PRUNE1: variants seen among roughly 807,000 people sequenced by gnomAD.
The protein encoded by PRUNE1 is prune exopolyphosphatase 1, also known as exopolyphosphatase PRUNE1.
In PRUNE1, 25 loss-of-function variants were observed where a neutral mutation model predicts 42.5. The ratio of observed to expected loss-of-function variants is 0.59; its 90% CI spans 0.43 to 0.82. The LOEUF (loss-of-function observed/expected upper bound fraction) is 0.82, where lower values mean the gene tolerates loss of function less well. Among genes scored for constraint, PRUNE1 ranks in the 40% least tolerant of loss-of-function variants. The pLI is 0.00. For synonymous variants in PRUNE1, 203 were observed against 217.1 expected, an observed-to-expected ratio of 0.93 and a Z score of 0.57; for missense variants, 443 against 539.3, an observed-to-expected ratio of 0.82 and a Z score of 1.77.
chr1:151,030,733 G>A (rs1675192416), intron 7 of PRUNE1, among the ~76,000 whole-genome samples: 1 of 152,142 alleles, frequency 6.6e-6, no homozygotes, highest in Non-Finnish European at 1.5e-5. Flanking sequence ...TGATCCACCT[G>A]CCTTGGCCTT....
At chr1:151,011,644 T>G (rs1233925080) in intron 1 of PRUNE1, among the ~76,000 whole-genome samples, 2 of 152,134 alleles carry the variant, frequency 1.3e-5, no homozygotes, top group Non-Finnish European at 2.9e-5. Context: ...ATATTCAGCT[T>G]TAGAAGGGAA....
chr1:151,011,100 G>T (rs1188311982), intron 1 of PRUNE1, among the ~76,000 whole-genome samples: 1 of 152,134 alleles, frequency 6.6e-6, no homozygotes, highest in Non-Finnish European at 1.5e-5. Context: ...TAAGTTTCTT[G>T]TGTAAAGAGA....
At chr1:151,028,153 C>T (rs963355865) in intron 6 of PRUNE1, among the ~76,000 whole-genome samples, 2 of 152,152 alleles carry the variant, frequency 1.3e-5, no homozygotes, top group Admixed American at 6.5e-5. Context: ...TCAGATGTCT[C>T]TTGTTTTGGG....
chr1:151,028,704 T>C, intron 6 of PRUNE1, 82 bp from the exon 7 acceptor site: 1 of 1,463,760 alleles, frequency 6.8e-7, no homozygotes, highest in Non-Finnish European at 9.4e-7. Context: ...ATTATAGGCG[T>C]AAGCGACCGT....
At chr1:151,020,230 C>G (rs983575725) in intron 3 of PRUNE1, among the ~76,000 whole-genome samples, 1 of 144,356 alleles carries the variant, frequency 6.9e-6, no homozygotes, top group East Asian at 2.1e-4. Flanking sequence ...AGACCCTGTT[C>G]TCTAAAAAAA....
intron 4 of PRUNE1, 34 bp from the exon 5 acceptor site, chr1:151,025,481 A>C: frequency 6.2e-7 from 1 of 1,602,776 alleles, no homozygotes; most frequent in Middle Eastern, 1.7e-4. Flanking sequence ...GAAGGGTCAC[A>C]GGATTCAAGT....
intron 7 of PRUNE1, among the ~76,000 whole-genome samples, chr1:151,029,726 A>G (rs1010026709): frequency 5.5e-5 from 8 of 146,218 alleles, no homozygotes; most frequent in Admixed American, 2.1e-4. Context: ...TCTGTTGGGG[A>G]AAAAAAAAAA....
chr1:151,026,785 G>A (rs1354557564), intron 5 of PRUNE1, among the ~76,000 whole-genome samples: 1 of 151,344 alleles, frequency 6.6e-6, no homozygotes, highest in East Asian at 1.9e-4. Flanking sequence ...TGCTCTAAAG[G>A]TACCTATTGT....
At chr1:151,011,402 A>G (rs1571765021) in intron 1 of PRUNE1, among the ~76,000 whole-genome samples, 1 of 152,130 alleles carries the variant, frequency 6.6e-6, no homozygotes, top group Non-Finnish European at 1.5e-5. Flanking sequence ...TCTTTGCTTC[A>G]GGGTGGGGCT....
Position 151,034,315 on chromosome 1 carries a change from A to G in PRUNE1, c.*81A>G, listed in dbSNP as rs1675432299. ...GTTTTGAGATGTTTGGAGATTCAGC[A>G]ATTCTGTCTTCATTGCTCCAGGATC... On this transcript the variant is annotated 3_prime_UTR_variant, in exon 8 of 8. Transcript: ENST00000271620. The G allele has an allele frequency of 7.1e-7, 1 of 1,414,028 alleles. No individual in the cohort carries two copies. The highest frequency in any genetic ancestry group is 9.7e-7 in the Non-Finnish European group (1 of 1,032,186). 87.6% of individuals were successfully genotyped at this position (1,414,028 alleles called of 1,614,324 possible).
chr1:151,029,097 T>C, intron 7 of PRUNE1, 153 bp downstream of exon 7: 2 of 674,774 alleles, frequency 3.0e-6, no homozygotes, highest in Non-Finnish European at 4.6e-6. Flanking sequence ...ACCTGTTTCC[T>C]CCCCTTTCTG....
At chr1:151,024,973 A>G (rs1468236492) in intron 4 of PRUNE1, among the ~76,000 whole-genome samples, 178 bp downstream of exon 4, 1 of 152,150 alleles carries the variant, frequency 6.6e-6, no homozygotes, top group Non-Finnish European at 1.5e-5. Context: ...CCTGTGGGAT[A>G]CTTGTTGGAG....
chr1:151,018,021 C>T, intron 2 of PRUNE1, 117 bp downstream of exon 2: 1 of 710,680 alleles, frequency 1.4e-6, no homozygotes, highest in Non-Finnish European at 2.4e-6. Flanking sequence ...AATCCCTTAA[C>T]TTTGCTGAGT....
rs1193513262 is a variant in PRUNE1, at chr1:151,018,580, C to CT, written c.248dup (p.Leu83PhefsTer6). The CT allele has an allele frequency of 1.2e-6, 2 of 1,614,124 alleles. No homozygotes were observed. Among genetic ancestry groups the CT allele is most frequent in the Non-Finnish European group, 1.7e-6 (2 of 1,179,990 alleles). On this transcript the variant is annotated frameshift_variant, in exon 3 of 8. Transcript: ENST00000271620. LOFTEE classifies it high-confidence loss of function. The stretch of plus-strand genomic sequence containing the variant: ...AGAAGGTTCATATTCCAGAGAGTAT[C>CT]TTGATTTTTCGGGATGAGATTGACC...
chr1:151,018,914 G>T (rs1183420768), intron 3 of PRUNE1, among the ~76,000 whole-genome samples: 1 of 152,102 alleles, frequency 6.6e-6, no homozygotes, highest in Non-Finnish European at 1.5e-5. Flanking sequence ...GTGGTGGCAA[G>T]TGCCTGTAAT....
Position 151,012,288 on chromosome 1 carries a change from G to C in PRUNE1, c.39+3617G>C, listed in dbSNP as rs777552943. Reference sequence around the variant, plus strand: ...GGTGGAGGATGGGCTTGGAATTAGGGGTTACACATGTTTTTCTTAAATAAA... The same window carrying C: ...GGTGGAGGATGGGCTTGGAATTAGGCGTTACACATGTTTTTCTTAAATAAA... On this transcript the variant is annotated intron_variant, in intron 1 of 7. Transcript: ENST00000271620. Among the ~76,000 whole-genome samples the C allele has an allele frequency of 1.3e-4, 20 of 152,146 alleles. No individual in the cohort carries two copies. The South Asian group carries it at 3.9e-3, about 30-fold the overall frequency.
In PRUNE1 at chr1:151,035,131, T is replaced by C. The variant is rs1675477780; in HGVS notation, c.*897T>C. On this transcript the variant is annotated 3_prime_UTR_variant, in exon 8 of 8. Transcript: ENST00000271620. The stretch of plus-strand genomic sequence containing the variant: ...GGAGTTCTAATGCTCCCATAAACTA[T>C]GTATTTTGGCAAGACACTTCACTAC... The C allele has an allele frequency of 6.6e-6, 1 of 152,188 alleles. No individual in the cohort carries two copies. The highest frequency in any genetic ancestry group is 1.5e-5 in the Non-Finnish European group (1 of 68,032). The allele number at this position is 152,188 out of a possible 1,614,324, so 9.4% of individuals were successfully genotyped here. A position where few individuals can be genotyped will look rare whatever the true frequency, so the allele number is the denominator to read the frequency against.
chr1:151,033,195 C>T (rs746577877), intron 7 of PRUNE1, among the ~76,000 whole-genome samples: 6 of 151,644 alleles, frequency 4.0e-5, no homozygotes, highest in Non-Finnish European at 8.8e-5. Context: ...AAGTGATTCT[C>T]CTGCCTCAGC....
chr1:151,032,244 CAA>C (rs11452561), intron 7 of PRUNE1, among the ~76,000 whole-genome samples: 2 of 144,750 alleles, frequency 1.4e-5, no homozygotes, highest in African/African-American at 5.1e-5. Flanking sequence ...GAATCCATTT[CAA>C]AAAAAAAAAA....
Sources: gnomAD v4.1 joint callset for allele counts (sites outside exome capture counted in the v4.1 genomes callset) on GRCh38, gnomAD v4.1.1 for gene constraint, MANE v1.5 for transcripts, NCBI Gene and HGNC (gene_info 2026-07-23, HGNC 2026-07-21) for gene names.